Variants in RASSF3 observed in about 807,000 individuals in gnomAD.
The protein encoded by RASSF3 is ras association domain-containing protein 3.
Under a neutral mutation model 19.9 loss-of-function variants are expected in RASSF3, and 19 were observed. That is an observed-to-expected ratio of 0.96 (90% CI 0.67 to 1.40). The LOEUF (loss-of-function observed/expected upper bound fraction) is 1.40, where lower values mean the gene tolerates loss of function less well. Ranked by LOEUF, RASSF3 falls within the 40% of genes most tolerant of loss-of-function variation. The probability of loss-of-function intolerance (pLI) is 0.00; values close to 1 mark genes in which losing one functional copy is unlikely to be tolerated. For missense variants in RASSF3, 306 were observed against 289.8 expected, an observed-to-expected ratio of 1.06 and a Z score of -0.41; for synonymous variants, 110 against 104.2, an observed-to-expected ratio of 1.06 and a Z score of -0.34.
intron 1 of RASSF3, among the ~76,000 whole-genome samples, chr12:64,642,942 T>C (rs374200387): frequency 1.3e-5 from 2 of 151,562 alleles, no homozygotes; most frequent in East Asian, 1.9e-4. Context: ...CTCAGCTCAC[T>C]GCAACCTCCG....
chr12:64,606,672 G>A (rs1315675180), upstream of RASSF3, among the ~76,000 whole-genome samples: 5 of 152,104 alleles, frequency 3.3e-5, no homozygotes, highest in Admixed American at 6.5e-5. Context: ...AAAATTGGCC[G>A]GGTGAGGCGG....
chr12:64,576,866 A>T (rs1245061563), intron 2 of RASSF3, among the ~76,000 whole-genome samples: 1 of 151,910 alleles, frequency 6.6e-6, no homozygotes, highest in Admixed American at 6.6e-5. Context: ...AAAAAAAAAA[A>T]AAAACTTGAT....
In RASSF3 at chr12:64,598,899, C is replaced by T. The variant is rs1164755458; in HGVS notation, c.294+57194C>T. Among the ~76,000 whole-genome samples, 54 of 120,010 alleles carry T rather than the reference C, an allele frequency of 4.5e-4. No homozygotes were observed. The Admixed American group carries it at 5.3e-3, about 12-fold the overall frequency. 78.7% of individuals were successfully genotyped at this position (120,010 alleles called of 152,430 possible). A position where few individuals can be genotyped will look rare whatever the true frequency, so the allele number is the denominator to read the frequency against. On this transcript the variant is annotated intron_variant, in intron 2 of 5. Transcript: ENST00000637125. ...GCTATCCCTCCCCCCTCCCCCCACC[C>T]CACATCAGGCCCTGGTGTGTGATGT...
chr12:64,552,705 C>G (rs1296395153), intron 2 of RASSF3, among the ~76,000 whole-genome samples: 1 of 152,194 alleles, frequency 6.6e-6, no homozygotes, highest in Non-Finnish European at 1.5e-5. Context: ...AGGACATGAT[C>G]TCGTTCCTTT....
upstream of RASSF3, among the ~76,000 whole-genome samples, chr12:64,608,299 ATGGTG>A (rs1451355386): frequency 6.6e-6 from 1 of 152,070 alleles, no homozygotes; most frequent in East Asian, 1.9e-4. Context: ...AATCATTTTT[ATGGTG>A]TGGTGCATCA....
chr12:64,655,686 C>CA (rs1402208142), intron 1 of RASSF3, among the ~76,000 whole-genome samples: 5 of 151,230 alleles, frequency 3.3e-5, no homozygotes, highest in Admixed American at 6.6e-5. Flanking sequence ...CCAAAACAAA[C>CA]AAAAAAAATG....
intron 2 of RASSF3, among the ~76,000 whole-genome samples, chr12:64,599,396 G>C (rs1245969584): frequency 6.6e-6 from 1 of 152,178 alleles, no homozygotes; most frequent in East Asian, 1.9e-4. Flanking sequence ...ATCAATGTTG[G>C]AAAGTTCAAT....
At chr12:64,516,499 G>C (rs1237321412) in intron 1 of RASSF3, among the ~76,000 whole-genome samples, 1 of 149,406 alleles carries the variant, frequency 6.7e-6, no homozygotes, top group South Asian at 2.1e-4. Context: ...GGCGCCTGTA[G>C]TCCCAGCTAC....
chr12:64,510,492 C>T (rs996958180), intron 1 of RASSF3, among the ~76,000 whole-genome samples: 11 of 152,110 alleles, frequency 7.2e-5, no homozygotes, highest in Non-Finnish European at 5.9e-5. Context: ...TCCCTAAGTA[C>T]CTTCATCCCG....
exon 2 of RASSF3, chr12:64,541,684 T>C: frequency 2.5e-6 from 1 of 398,614 alleles, no homozygotes; most frequent in East Asian, 3.6e-5. Context: ...AAGTAAGATA[T>C]TCAATCAAAA....
At chr12:64,612,110 T>C (rs1870388524) in intron 1 of RASSF3, among the ~76,000 whole-genome samples, 2 of 152,254 alleles carry the variant, frequency 1.3e-5, no homozygotes, top group South Asian at 2.1e-4. Flanking sequence ...GCTGTGAAGT[T>C]TGGAAGTTGG....
At chr12:64,565,521 C>A (rs1168113344) in intron 2 of RASSF3, among the ~76,000 whole-genome samples, 1 of 151,806 alleles carries the variant, frequency 6.6e-6, no homozygotes, top group South Asian at 2.1e-4. Flanking sequence ...GAGACTAGCC[C>A]GGCCAACATG....
chr12:64,602,554 C>T (rs899112763), intron 2 of RASSF3, among the ~76,000 whole-genome samples: 1 of 150,018 alleles, frequency 6.7e-6, no homozygotes, highest in Non-Finnish European at 1.5e-5. Context: ...ACACTCCAGC[C>T]TGGTGCCAGA....
chr12:64,580,671 G>T lies in RASSF3; in HGVS notation c.294+38966G>T, dbSNP rs144271725. ...CTGGAGTCTAGAAGCCCAAATCAAGGTGTCAATAAGGCCGTGCAACTCTGG... is the reference window on the plus strand; with the variant it reads ...CTGGAGTCTAGAAGCCCAAATCAAGTTGTCAATAAGGCCGTGCAACTCTGG... On this transcript the variant is annotated intron_variant, in intron 2 of 5. Transcript: ENST00000637125. Among the ~76,000 whole-genome samples, 115 of 151,770 alleles carry T rather than the reference G, an allele frequency of 7.6e-4. No individual in the cohort carries two copies. In the East Asian group the frequency reaches 0.021, roughly 28 times the overall value.
chr12:64,567,660 C>T (rs1869452223), intron 2 of RASSF3, among the ~76,000 whole-genome samples: 1 of 152,210 alleles, frequency 6.6e-6, no homozygotes, highest in Admixed American at 6.5e-5. Flanking sequence ...GGATTCCCTA[C>T]GACAGTTGAC....
At position 64,610,752 on chromosome 12, in the gene RASSF3, C is replaced by T. The variant is rs1248377450; in HGVS notation, c.111+9C>T. ...CCCGCTCCGGCCAACAAGTGAGTGG[C>T]GCGCGGCGGGCGCTGCAGCCCGCGC... On this transcript the variant is annotated intron_variant, in intron 1 of 4. Coordinates refer to ENST00000542104, the MANE Select transcript of RASSF3 (RefSeq NM_178169.4). 2 of 1,565,114 alleles carry T rather than the reference C, an allele frequency of 1.3e-6. No homozygotes were observed. The highest frequency in any genetic ancestry group is 1.7e-6 in the Non-Finnish European group (2 of 1,152,218).
chr12:64,653,873 A>G (rs1872052914), intron 1 of RASSF3, among the ~76,000 whole-genome samples: 1 of 152,064 alleles, frequency 6.6e-6, no homozygotes, highest in Non-Finnish European at 1.5e-5. Context: ...ACAGCTCTCC[A>G]GTAGTGTATC....
At chr12:64,568,628 G>A (rs929313576) in intron 2 of RASSF3, among the ~76,000 whole-genome samples, 6 of 152,036 alleles carry the variant, frequency 3.9e-5, no homozygotes, top group East Asian at 1.9e-4. Context: ...GGTGGGGTTC[G>A]GTTCTACTGA....
intron 1 of RASSF3, among the ~76,000 whole-genome samples, chr12:64,667,930 C>G (rs34002582): frequency 1.3e-5 from 2 of 152,128 alleles, no homozygotes; most frequent in African/African-American, 2.4e-5. Flanking sequence ...AAAGTAACAC[C>G]TGGAAAGATG....
Sources: gnomAD v4.1 joint callset for allele counts (sites outside exome capture counted in the v4.1 genomes callset) on GRCh38, gnomAD v4.1.1 for gene constraint, MANE v1.5 for transcripts, NCBI Gene and HGNC (gene_info 2026-07-23, HGNC 2026-07-21) for gene names.